The following CPQ variants were observed in gnomAD, a reference collection of about 807,000 sequenced individuals.
The protein encoded by CPQ is Ser-Met dipeptidase.
Under a neutral mutation model 45.7 loss-of-function variants are expected in CPQ, and 37 were observed. The ratio of observed to expected loss-of-function variants is 0.81; its 90% CI spans 0.62 to 1.07. The LOEUF (loss-of-function observed/expected upper bound fraction) is 1.07, where lower values mean the gene tolerates loss of function less well. CPQ is among the 50% of genes least tolerant of loss of function. The probability of loss-of-function intolerance (pLI) is 0.00; values close to 1 mark genes in which losing one functional copy is unlikely to be tolerated. For missense variants in CPQ, 537 were observed against 572.9 expected (o/e 0.94, Z 0.64); for synonymous variants, 186 against 205.8 (o/e 0.90, Z 0.82).
intron 2 of CPQ, among the ~76,000 whole-genome samples, chr8:96,791,731 C>T (rs1486926471): frequency 6.6e-6 from 1 of 152,152 alleles, no homozygotes; most frequent in Non-Finnish European, 1.5e-5. Flanking sequence ...ATCTCTAATC[C>T]AGGCAGAGTG....
At chr8:96,793,448 C>T (rs1386030342) in intron 2 of CPQ, among the ~76,000 whole-genome samples, 2 of 152,098 alleles carry the variant, frequency 1.3e-5, no homozygotes, top group Non-Finnish European at 2.9e-5. Flanking sequence ...TATTCACTAT[C>T]ATGAGAACAG....
At chr8:96,781,256 C>T (rs1330388667) in intron 1 of CPQ, among the ~76,000 whole-genome samples, 2 of 152,120 alleles carry the variant, frequency 1.3e-5, no homozygotes, top group Admixed American at 1.3e-4. Flanking sequence ...ATACCATGGA[C>T]TGGATAGTTT....
intron 4 of CPQ, among the ~76,000 whole-genome samples, chr8:96,964,091 T>C (rs1813510972): frequency 7.7e-6 from 1 of 130,238 alleles, no homozygotes; most frequent in Admixed American, 7.6e-5. Context: ...GAGTTTTCTT[T>C]CTTTTTTTTT....
At chr8:96,691,528 A>G (rs111669223) in intron 1 of CPQ, among the ~76,000 whole-genome samples, 3,693 of 150,036 alleles carry the variant, frequency 0.025, 165 homozygotes, top group African/African-American at 0.084. Context: ...TTTAACAGTT[A>G]TATATATAGC....
intron 7 of CPQ, among the ~76,000 whole-genome samples, chr8:97,083,413 G>T (rs1810990299): frequency 6.6e-6 from 1 of 152,008 alleles, no homozygotes; most frequent in East Asian, 1.9e-4. Flanking sequence ...CTTACTTTGT[G>T]GTTACAAAAA....
chr8:96,804,030 T>C (rs548958554), intron 2 of CPQ, among the ~76,000 whole-genome samples: 1 of 152,146 alleles, frequency 6.6e-6, no homozygotes, highest in South Asian at 2.1e-4. Context: ...ATAATTCTGT[T>C]TGGGGGTTGA....
chr8:96,890,974 C>G (rs1166027829), intron 4 of CPQ, among the ~76,000 whole-genome samples: 1 of 152,208 alleles, frequency 6.6e-6, no homozygotes, highest in Non-Finnish European at 1.5e-5. Context: ...GAGAACTTCA[C>G]TCGAGCCCTG....
At chr8:96,668,126 T>C (rs1001012226) in intron 1 of CPQ, among the ~76,000 whole-genome samples, 2 of 152,222 alleles carry the variant, frequency 1.3e-5, no homozygotes, top group Admixed American at 1.3e-4. Context: ...TTTGGATTGA[T>C]TGGACTGACA....
intron 7 of CPQ, among the ~76,000 whole-genome samples, chr8:97,103,079 C>G (rs894160980): frequency 3.3e-5 from 5 of 152,120 alleles, no homozygotes; most frequent in Non-Finnish European, 5.9e-5. Context: ...CCAACTACCT[C>G]CTGGTTTCCT....
At chr8:96,946,508 G>T (rs1004785786) in intron 4 of CPQ, among the ~76,000 whole-genome samples, 21 of 151,736 alleles carry the variant, frequency 1.4e-4, no homozygotes, top group Non-Finnish European at 2.5e-4. Flanking sequence ...GTGCAGGTTA[G>T]TTACATATGT....
chr8:97,042,575 G>C (rs1327222846), intron 6 of CPQ, among the ~76,000 whole-genome samples: 2 of 151,352 alleles, frequency 1.3e-5, no homozygotes, highest in African/African-American at 4.8e-5. Flanking sequence ...TAATTGTGAT[G>C]TTAGGGTGTC....
intron 5 of CPQ, among the ~76,000 whole-genome samples, chr8:96,979,974 C>T (rs1482642599): frequency 6.6e-6 from 1 of 152,116 alleles, no homozygotes; most frequent in African/African-American, 2.4e-5. Context: ...CCTTTAAGTC[C>T]TCCTTTCTTA....
chr8:96,723,330 G>A (rs1055318282), intron 1 of CPQ, among the ~76,000 whole-genome samples: 2 of 152,028 alleles, frequency 1.3e-5, no homozygotes, highest in South Asian at 2.1e-4. Flanking sequence ...TGGCCTGAAG[G>A]ATCTCCCTGA....
At chr8:96,931,829 G>A (rs955885177) in intron 4 of CPQ, among the ~76,000 whole-genome samples, 1 of 152,172 alleles carries the variant, frequency 6.6e-6, no homozygotes, top group Admixed American at 6.5e-5. Flanking sequence ...AGAGGCATCA[G>A]ATAGCATCTT....
intron 5 of CPQ, among the ~76,000 whole-genome samples, chr8:97,019,386 C>G (rs887172930): frequency 6.6e-6 from 1 of 152,166 alleles, no homozygotes; most frequent in Non-Finnish European, 1.5e-5. Flanking sequence ...CACCTCAATA[C>G]TAATGATGAA....
At chr8:96,793,747 G>A (rs1029769593) in intron 2 of CPQ, among the ~76,000 whole-genome samples, 7 of 152,184 alleles carry the variant, frequency 4.6e-5, no homozygotes, top group African/African-American at 1.7e-4. Flanking sequence ...AAGCAAGCTA[G>A]TTACTTCCTA....
At chr8:97,130,185 C>T (rs1046616597) in intron 7 of CPQ, among the ~76,000 whole-genome samples, 2 of 152,182 alleles carry the variant, frequency 1.3e-5, no homozygotes, top group Non-Finnish European at 2.9e-5. Context: ...GGACAGCACG[C>T]TTTCCTCTCC....
chr8:97,022,695 G>A (rs563909642), intron 5 of CPQ, among the ~76,000 whole-genome samples: 73 of 152,098 alleles, frequency 4.8e-4, no homozygotes, highest in African/African-American at 9.6e-4. Context: ...CCTTACTCCC[G>A]CAAGAATGAC....
At chr8:97,054,880 A>G (rs541048114) in intron 6 of CPQ, among the ~76,000 whole-genome samples, 1 of 152,334 alleles carries the variant, frequency 6.6e-6, no homozygotes, top group South Asian at 2.1e-4. Flanking sequence ...TATACAGTGC[A>G]TCCATGTGAC....
Sources: allele counts gnomAD v4.1 joint callset (sites outside exome capture counted in the v4.1 genomes callset), GRCh38; gene constraint gnomAD v4.1.1; transcripts MANE v1.5; gene names NCBI Gene and HGNC (gene_info 2026-07-23, HGNC 2026-07-21).